The following C6orf141 variants were observed in gnomAD, a reference collection of about 807,000 sequenced individuals.
The protein encoded by C6orf141 is chromosome 6 open reading frame 141.
For synonymous variants in C6orf141, 164 were observed against 140.5 expected (o/e 1.17, Z -1.18); for missense variants, 361 against 335.8 (o/e 1.07, Z -0.59).
chr6:49,553,351 C>A (rs903791794), downstream of C6orf141: 2 of 152,258 alleles, frequency 1.3e-5, no homozygotes. Flanking sequence ...CTGTGAGACC[C>A]TCACTTGGGA....
At position 49,551,857 on chromosome 6, in the gene C6orf141, CG is replaced by C. The variant is rs2127268615; in HGVS notation, c.*331del. On this transcript the variant is annotated 3_prime_UTR_variant, in exon 1 of 1. Coordinates refer to ENST00000529246, the MANE Select transcript of C6orf141 (RefSeq NM_001145652.2). ...CTCAATTGATCTCTTTTCTGTTCCC[CG>C]CCCCCCTCTTGTTTCTCTTTAGGAC... 1.7e-6 allele frequency: 2 copies of C among 1,156,312 alleles called. No individual in the cohort carries two copies. Among genetic ancestry groups the C allele is most frequent in the East Asian group, 1.4e-4 (2 of 14,498 alleles). 71.6% of individuals were successfully genotyped at this position (1,156,312 alleles called of 1,614,324 possible).
At chr6:49,555,348 A>G (rs1375555837), downstream of C6orf141, 1 of 152,210 alleles carries the variant, frequency 6.6e-6, no homozygotes, top group East Asian at 1.9e-4. Flanking sequence ...CTGCATAAAA[A>G]TTGGGAAAAT....
downstream of C6orf141, chr6:49,552,304 A>G (rs1009908787): frequency 1.3e-5 from 2 of 152,242 alleles, no homozygotes; most frequent in African/African-American, 4.8e-5. Context: ...ATTCTTTTCC[A>G]TAGTTCTTCA....
At chr6:49,561,290 G>A (rs1773278116) in intron 4 of C6orf141, among the ~76,000 whole-genome samples, 1 of 151,996 alleles carries the variant, frequency 6.6e-6, no homozygotes. Flanking sequence ...TAGAGACGGA[G>A]TTTTTACTAT....
intron 4 of C6orf141, among the ~76,000 whole-genome samples, chr6:49,558,826 G>T (rs1772627230): frequency 6.6e-6 from 1 of 151,868 alleles, no homozygotes; most frequent in South Asian, 2.1e-4. Context: ...TCCTGCCTCA[G>T]CCTCCCGAGT....
At chr6:49,558,274 T>C (rs1772457272) in intron 4 of C6orf141, among the ~76,000 whole-genome samples, 1 of 151,718 alleles carries the variant, frequency 6.6e-6, no homozygotes, top group African/African-American at 2.4e-5. Flanking sequence ...TCTTCAACAA[T>C]AGTGGAAAAA....
intron 4 of C6orf141, among the ~76,000 whole-genome samples, chr6:49,557,135 C>G (rs984167926): frequency 6.6e-6 from 1 of 151,990 alleles, no homozygotes; most frequent in African/African-American, 2.4e-5. Context: ...GCCCATAATC[C>G]CAGCTACTCA....
At chr6:49,560,001 A>G (rs977712667) in intron 4 of C6orf141, among the ~76,000 whole-genome samples, 40 of 152,296 alleles carry the variant, frequency 2.6e-4, no homozygotes, top group South Asian at 1.5e-3. Context: ...CAAAGTTACA[A>G]ATGAAATAAC....
At position 49,550,971 on chromosome 6, in the gene C6orf141, G is replaced by T; in HGVS notation, c.179G>T (p.Gly60Val). 6.4e-7 allele frequency: 1 copy of T among 1,550,504 alleles called. No individual in the cohort carries two copies. Residue 60 changes from glycine to valine, a missense_variant, in exon 1 of 1, where the codon GGC becomes GTC. Transcript: ENST00000529246. ...GCAGGGGCGAGCCGAAGCCAGGGCG[G>T]CGGCCACGAGGACAGAACGGCAGAT... The part of the protein sequence containing the change: ...ATAGASRSQG[G>V]GHEDRTADRA...
intron 4 of C6orf141, among the ~76,000 whole-genome samples, chr6:49,559,106 T>C (rs971483248): frequency 2.1e-5 from 3 of 146,146 alleles, no homozygotes; most frequent in Non-Finnish European, 4.5e-5. Flanking sequence ...CCAGTGGTTT[T>C]TACTAAGACT....
chr6:49,550,902 G>C lies in C6orf141; in HGVS notation c.110G>C (p.Gly37Ala), dbSNP rs1221040610. 3.9e-6 allele frequency: 6 copies of C among 1,529,378 alleles called. No homozygotes were observed. The highest frequency in any genetic ancestry group is 4.4e-6 in the Non-Finnish European group (5 of 1,140,198). 94.7% of individuals were successfully genotyped at this position (1,529,378 alleles called of 1,614,324 possible). The stretch of plus-strand genomic sequence containing the variant: ...CTCGGGCCTTTTCCGCGGGAGGTAG[G>C]GCGCGGGGCTCCGCTAGCTCCGGGC... ...GDLGPFPREVGRGAPLAPGAR... is the reference protein window; with the variant it reads ...GDLGPFPREVARGAPLAPGAR... The change falls in exon 1 of 1, where the codon GGG becomes GCG. Residue 37 changes from glycine to alanine, a missense_variant. Gly to Ala is a moderately conservative substitution (Grantham distance 60). Coordinates refer to ENST00000529246, the MANE Select transcript of C6orf141 (RefSeq NM_001145652.2).
intron 4 of C6orf141, among the ~76,000 whole-genome samples, chr6:49,558,892 A>G (rs1184363848): frequency 6.6e-6 from 1 of 151,570 alleles, no homozygotes; most frequent in Non-Finnish European, 1.5e-5. Context: ...TATTTTTAGT[A>G]GAGACGGGGT....
chr6:49,555,670 G>A (rs544431211), downstream of C6orf141, among the ~76,000 whole-genome samples: 3 of 152,052 alleles, frequency 2.0e-5, no homozygotes, highest in African/African-American at 4.8e-5. Context: ...CATCACGCCC[G>A]GCTAATTTTT....
At chr6:49,555,798 G>A (rs9473590), downstream of C6orf141, among the ~76,000 whole-genome samples, 142,028 of 152,206 alleles carry the variant, frequency 0.93, 66,682 homozygotes, top group East Asian at 1. Context: ...GTGAGCCACC[G>A]CGCACCTGGC....
chr6:49,558,072 T>TGTTTTTTTTTTTTTTTTTTTG (rs1403055013), intron 4 of C6orf141, among the ~76,000 whole-genome samples: 2 of 140,036 alleles, frequency 1.4e-5, no homozygotes, highest in African/African-American at 5.3e-5. Flanking sequence ...TTTTTTTTTT[T>TGTTTTTTTTTTTTTTTTTTTG]TTTTTTTTTT....
At chr6:49,556,648 T>G (rs1384545969), downstream of C6orf141, among the ~76,000 whole-genome samples, 1 of 152,066 alleles carries the variant, frequency 6.6e-6, no homozygotes, top group Admixed American at 6.6e-5. Context: ...TGTGATGAAT[T>G]GAGAGGGGTG....
rs1237300598 is a variant in C6orf141, at chr6:49,550,826, G to A, written c.34G>A (p.Gly12Arg). ...NDPFARMETR[G>R]PQGAANPMDS... ...CCCTTTTGCCAGGATGGAGACCCGG[G>A]GGCCTCAGGGAGCTGCGAATCCCAT... Residue 12 changes from glycine (G) to arginine (R), a missense_variant, in exon 1 of 1, where the codon GGG becomes AGG. Transcript: ENST00000529246. 1.3e-5 allele frequency: 19 copies of A among 1,474,812 alleles called. No homozygotes were observed. The highest frequency in any genetic ancestry group is 1.6e-5 in the Non-Finnish European group (18 of 1,115,836). 91.4% of individuals were successfully genotyped at this position (1,474,812 alleles called of 1,614,324 possible).
Position 49,551,508 on chromosome 6 carries a change from T to G in C6orf141, c.716T>G (p.Leu239Arg), listed in dbSNP as rs1770588755. 1 of 1,551,134 alleles carries G rather than the reference T, an allele frequency of 6.4e-7. No individual in the cohort carries two copies. The highest frequency in any genetic ancestry group is 8.7e-7 in the Non-Finnish European group (1 of 1,146,962). The change falls in exon 1 of 1, where the codon CTC (leucine) becomes CGC (arginine). Residue 239 changes from leucine (L) to arginine (R), a missense_variant. Physicochemically the swap from Leu to Arg is moderately radical, Grantham distance 102 (BLOSUM62 -2). Coordinates refer to ENST00000529246, the MANE Select transcript of C6orf141 (RefSeq NM_001145652.2). ...GTTTCACCGTCTCCAGGGACTTGGCTCGAGGAAATTAAACTCTAATGAGTA... is the reference window on the plus strand; with the variant it reads ...GTTTCACCGTCTCCAGGGACTTGGCGCGAGGAAATTAAACTCTAATGAGTA... ...RRVSPSPGTW[L>R]EEIKL
chr6:49,558,064 T>TTTTTTTTTGTTTTTTTTTTTTTTTG (rs1561996199), intron 4 of C6orf141, among the ~76,000 whole-genome samples: 51 of 126,058 alleles, frequency 4.0e-4, no homozygotes, highest in African/African-American at 1.5e-3. Context: ...AATATGTTTT[T>TTTTTTTTTGTTTTTTTTTTTTTTTG]TTTTTTTTTT....
Sources: gnomAD v4.1 joint callset for allele counts (sites outside exome capture counted in the v4.1 genomes callset) on GRCh38, gnomAD v4.1.1 for gene constraint, MANE v1.5 for transcripts, NCBI Gene and HGNC (gene_info 2026-07-23, HGNC 2026-07-21) for gene names.